The following PCDH7 variants were observed in gnomAD, a reference collection of about 807,000 sequenced individuals.
PCDH7 encodes protocadherin-7.
In PCDH7, 17 loss-of-function variants were observed where a neutral mutation model predicts 58.9. The ratio of observed to expected loss-of-function variants is 0.29; its 90% CI spans 0.20 to 0.43. The LOEUF is 0.43. Among genes scored for constraint, PCDH7 ranks in the 20% least tolerant of loss-of-function variants. The probability of loss-of-function intolerance (pLI) is 1.00; values close to 1 mark genes in which losing one functional copy is unlikely to be tolerated. For missense variants in PCDH7, 1,274 were observed against 1,441.0 expected (o/e 0.88, Z 1.88); for synonymous variants, 664 against 616.4 (o/e 1.08, Z -1.14).
chr4:30,728,718 C>A (rs1028328411), intron 1 of PCDH7, among the ~76,000 whole-genome samples: 2 of 151,454 alleles, frequency 1.3e-5, no homozygotes, highest in African/African-American at 4.8e-5. Flanking sequence ...AGATGTAAGA[C>A]CACAAAGTCA....
chr4:31,002,518 A>G (rs562126724), intron 3 of PCDH7, among the ~76,000 whole-genome samples: 2 of 152,266 alleles, frequency 1.3e-5, no homozygotes, highest in South Asian at 4.1e-4. Flanking sequence ...ATTTTTTGCA[A>G]TGATGCTAAC....
intron 3 of PCDH7, among the ~76,000 whole-genome samples, chr4:31,055,528 A>G (rs138771521): frequency 1.6e-4 from 24 of 152,226 alleles, no homozygotes; most frequent in Non-Finnish European, 2.6e-4. Flanking sequence ...CTAGCAACAT[A>G]CTAGGTCCTA....
At chr4:30,882,594 G>T (rs1030623276) in intron 1 of PCDH7, among the ~76,000 whole-genome samples, 4 of 152,074 alleles carry the variant, frequency 2.6e-5, no homozygotes, top group African/African-American at 9.7e-5. Flanking sequence ...TAAATACAAG[G>T]TTATTTTCTT....
At chr4:30,781,178 G>A (rs1722730114) in intron 1 of PCDH7, among the ~76,000 whole-genome samples, 1 of 151,586 alleles carries the variant, frequency 6.6e-6, no homozygotes, top group African/African-American at 2.4e-5. Context: ...AGCCAGTGAG[G>A]AAACACTGAT....
Position 30,721,450 on chromosome 4 carries a change from G to T in PCDH7, c.28G>T (p.Ala10Ser). ...GCTGAGGATGCGGACCGCGGGATGG[G>T]CGCGCGGCTGGTGCTTGGGCTGCTG... is the stretch of plus-strand genomic sequence containing the variant. Residue 10 changes from alanine to serine, a missense_variant, in exon 1 of 2, where the codon GCG becomes TCG. Ala to Ser is a moderately conservative substitution (Grantham distance 99). Transcript: ENST00000361762. This position sits in a 1 kb window ranked among gnomAD's most constrained non-coding sequence, Gnocchi z 6.7. The T allele has an allele frequency of 6.5e-7, 1 of 1,542,412 alleles. No homozygotes were observed.
chr4:30,847,668 G>A (rs1462825896), intron 1 of PCDH7, among the ~76,000 whole-genome samples: 1 of 152,060 alleles, frequency 6.6e-6, no homozygotes, highest in Non-Finnish European at 1.5e-5. Context: ...GTTGACTTTT[G>A]CTGAAATCAT....
chr4:30,858,121 T>A (rs1171543888), intron 1 of PCDH7, among the ~76,000 whole-genome samples: 1 of 152,176 alleles, frequency 6.6e-6, no homozygotes, highest in Admixed American at 6.6e-5. Context: ...CATTGATTCA[T>A]ATGGCCATAC....
At chr4:30,947,938 T>C (rs1411648236) in intron 2 of PCDH7, among the ~76,000 whole-genome samples, 1 of 152,154 alleles carries the variant, frequency 6.6e-6, no homozygotes, top group Non-Finnish European at 1.5e-5. Context: ...AGCTTCTACA[T>C]GTGAGTGAGA....
intron 3 of PCDH7, among the ~76,000 whole-genome samples, chr4:31,004,112 T>C (rs952160451): frequency 2.6e-5 from 4 of 152,134 alleles, no homozygotes; most frequent in African/African-American, 9.7e-5. Flanking sequence ...TGTGACCACA[T>C]TTCCTGTTAT....
chr4:31,103,108 T>C (rs935957516), intron 3 of PCDH7, among the ~76,000 whole-genome samples: 2 of 152,218 alleles, frequency 1.3e-5, no homozygotes, highest in African/African-American at 4.8e-5. Flanking sequence ...ATATTAGCTA[T>C]AATACAGGTC....
At chr4:30,828,656 A>G (rs1420077774) in intron 1 of PCDH7, among the ~76,000 whole-genome samples, 10 of 152,032 alleles carry the variant, frequency 6.6e-5, no homozygotes, top group Non-Finnish European at 1.2e-4. Flanking sequence ...GCTGGTTACT[A>G]TGGTTCCGAG....
chr4:31,106,369 G>A (rs1289988352), intron 3 of PCDH7, among the ~76,000 whole-genome samples: 3 of 152,172 alleles, frequency 2.0e-5, no homozygotes, highest in South Asian at 2.1e-4. Context: ...TGCTAGGGAG[G>A]ATCTACTTTT....
intron 3 of PCDH7, among the ~76,000 whole-genome samples, chr4:30,961,153 C>T (rs977958491): frequency 6.6e-6 from 1 of 151,924 alleles, no homozygotes; most frequent in African/African-American, 2.4e-5. Context: ...GTGTAAAGTG[C>T]TTATTATATT....
chr4:30,988,399 A>G (rs1751173634), intron 3 of PCDH7, among the ~76,000 whole-genome samples: 1 of 152,234 alleles, frequency 6.6e-6, no homozygotes, highest in East Asian at 1.9e-4. Context: ...AGTTATAAAC[A>G]GTTGTAAACA....
At chr4:30,885,958 T>C (rs1737682416) in intron 1 of PCDH7, among the ~76,000 whole-genome samples, 1 of 152,004 alleles carries the variant, frequency 6.6e-6, no homozygotes, top group Non-Finnish European at 1.5e-5. Flanking sequence ...TTACACCTTA[T>C]ACAAAAATCA....
At chr4:30,976,876 A>G (rs1055986240) in intron 3 of PCDH7, among the ~76,000 whole-genome samples, 3 of 152,138 alleles carry the variant, frequency 2.0e-5, no homozygotes, top group African/African-American at 7.2e-5. Flanking sequence ...ATAAGTAAAA[A>G]TTGTTTTATT....
intron 1 of PCDH7, among the ~76,000 whole-genome samples, chr4:30,832,288 T>C (rs1450381958): frequency 1.3e-5 from 2 of 152,220 alleles, no homozygotes; most frequent in Non-Finnish European, 2.9e-5. Flanking sequence ...GAATGGTGCC[T>C]AATTTTTAGA....
At chr4:30,753,857 G>C (rs1718907978) in intron 1 of PCDH7, among the ~76,000 whole-genome samples, 1 of 151,924 alleles carries the variant, frequency 6.6e-6, no homozygotes, top group African/African-American at 2.4e-5. Context: ...TATAAATATG[G>C]AATGATATTG....
At chr4:30,929,870 C>A (rs115597708) in intron 2 of PCDH7, among the ~76,000 whole-genome samples, 1 of 152,210 alleles carries the variant, frequency 6.6e-6, no homozygotes, top group African/African-American at 2.4e-5. Flanking sequence ...CCACATTTCA[C>A]CAAGGCAGCA....
Sources: gnomAD v4.1 joint callset for allele counts (sites outside exome capture counted in the v4.1 genomes callset) on GRCh38, gnomAD v4.1.1 for gene constraint, Gnocchi (gnomAD v3.1) non-coding constraint, MANE v1.5 for transcripts, NCBI Gene and HGNC (gene_info 2026-07-23, HGNC 2026-07-21) for gene names.